The following FAM3C variants were observed in gnomAD, a reference collection of about 807,000 sequenced individuals.
FAM3C encodes the protein protein FAM3C.
FAM3C carries 15 observed loss-of-function variants against 32.5 expected under a neutral mutation model. That is an observed-to-expected ratio of 0.46 (90% CI 0.31 to 0.71). FAM3C has a LOEUF of 0.71. FAM3C is among the 30% of genes least tolerant of loss of function. The probability of loss-of-function intolerance (pLI) is 0.05; values close to 1 mark genes in which losing one functional copy is unlikely to be tolerated. For synonymous variants in FAM3C, 75 were observed against 86.1 expected (o/e 0.87, Z 0.72); for missense variants, 175 against 274.4 (o/e 0.64, Z 2.56).
intron 5 of FAM3C, among the ~76,000 whole-genome samples, chr7:121,368,972 G>GTTTTT (rs563834740): frequency 8.3e-5 from 8 of 96,152 alleles, no homozygotes; most frequent in Non-Finnish European, 1.6e-4. Flanking sequence ...TGTTGTTGTT[G>GTTTTT]TTTTTTTTTT....
At chr7:121,394,729 G>A (rs1794650196) in intron 1 of FAM3C, among the ~76,000 whole-genome samples, 1 of 152,172 alleles carries the variant, frequency 6.6e-6, no homozygotes, top group African/African-American at 2.4e-5. Context: ...TTGGTAAACA[G>A]CCAAGAAACA....
At chr7:121,371,184 A>G (rs1354637469) in intron 5 of FAM3C, 116 bp downstream of exon 5, 3 of 1,252,682 alleles carry the variant, frequency 2.4e-6, no homozygotes, top group Non-Finnish European at 3.3e-6. Flanking sequence ...AAAAATGGAA[A>G]TCACTTTCCA....
At chr7:121,380,385 T>C (rs1794325894) in intron 2 of FAM3C, 1 of 151,600 alleles carries the variant, frequency 6.6e-6, no homozygotes, top group Non-Finnish European at 1.5e-5. Flanking sequence ...TAAAAAAAGC[T>C]ATATACAGCA....
In FAM3C at chr7:121,378,985, C is replaced by G. The variant is rs773826328; in HGVS notation, c.43G>C (p.Val15Leu). ...ATAACATAAAATGTCAGTAAAAACA[C>G]TGCCACAGCTACCACCAACTTTGCA... ...GAAKLVVAVA[V>L]FLLTFYVISQ... Residue 15 changes from valine to leucine, a missense_variant, in exon 3 of 10, where the codon GTG (valine) becomes CTG (leucine). Physicochemically the swap from Val to Leu is conservative, Grantham distance 32. Transcript: ENST00000359943. 4.4e-6 allele frequency: 7 copies of G among 1,575,212 alleles called. No homozygotes were observed. The Admixed American group carries it at 9.4e-5, about 21-fold the overall frequency.
chr7:121,375,410 G>A (rs1794220320), intron 3 of FAM3C, among the ~76,000 whole-genome samples: 1 of 152,182 alleles, frequency 6.6e-6, no homozygotes, highest in Non-Finnish European at 1.5e-5. Context: ...AAGACCAGCT[G>A]AGAAAGGCAG....
At chr7:121,370,591 C>A (rs775040783) in intron 5 of FAM3C, among the ~76,000 whole-genome samples, 5 of 152,072 alleles carry the variant, frequency 3.3e-5, no homozygotes, top group Non-Finnish European at 7.4e-5. Context: ...CAGGAACTTG[C>A]GAGCAACAGT....
rs557863498 is a variant in FAM3C, at chr7:121,351,549, C to T, written c.468-280G>A. The T allele has an allele frequency of 1.4e-3, 429 of 312,466 alleles. 2 individuals are homozygous for T. The highest frequency in any genetic ancestry group is 2.1e-3 in the Non-Finnish European group (346 of 168,584). The allele number at this position is 312,466 out of a possible 1,614,324, so 19.4% of individuals were successfully genotyped here. ...CCTTCATTTAACTTTTTAAATTACA[C>T]TCATCAAATAAATAAGGGATACCAC... On this transcript the variant is annotated intron_variant, in intron 8 of 9. Transcript: ENST00000359943.
intron 1 of FAM3C, among the ~76,000 whole-genome samples, chr7:121,395,134 ATAT>A (rs1794658256): frequency 6.6e-6 from 1 of 152,112 alleles, no homozygotes; most frequent in Admixed American, 6.6e-5. Context: ...AAGCAATCTA[ATAT>A]TATTTATGTC....
chr7:121,376,358 T>A (rs939807123), intron 3 of FAM3C, among the ~76,000 whole-genome samples: 1 of 152,172 alleles, frequency 6.6e-6, no homozygotes, highest in Non-Finnish European at 1.5e-5. Context: ...CGACTACAAT[T>A]TAACTGAGGA....
intron 1 of FAM3C, among the ~76,000 whole-genome samples, chr7:121,387,148 C>T (rs181861676): frequency 1.8e-3 from 272 of 152,134 alleles, no homozygotes; most frequent in Non-Finnish European, 1.3e-3. Flanking sequence ...TCTTTATAGA[C>T]ACTGAAATTT....
chr7:121,379,112 C>T (rs1281357421), intron 2 of FAM3C, 98 bp from the exon 3 acceptor site: 2 of 674,028 alleles, frequency 3.0e-6, no homozygotes, highest in African/African-American at 1.9e-5. Flanking sequence ...AAGATCAATA[C>T]ATTTCTACTT....
chr7:121,359,086 C>T (rs1793872220), intron 8 of FAM3C, among the ~76,000 whole-genome samples: 2 of 151,466 alleles, frequency 1.3e-5, no homozygotes, highest in Non-Finnish European at 1.5e-5. Flanking sequence ...AAAAAATTAA[C>T]AATTGGTGCC....
chr7:121,374,969 A>C (rs945557713), intron 3 of FAM3C, among the ~76,000 whole-genome samples: 10 of 152,192 alleles, frequency 6.6e-5, no homozygotes, highest in African/African-American at 2.4e-4. Flanking sequence ...TCTGTTACCT[A>C]CATTTGTTTT....
intron 1 of FAM3C, among the ~76,000 whole-genome samples, chr7:121,386,220 A>G (rs902076951): frequency 1.3e-5 from 2 of 152,162 alleles, no homozygotes; most frequent in Non-Finnish European, 2.9e-5. Flanking sequence ...ACTTAATATT[A>G]ACAAACAGCA....
chr7:121,370,326 T>G (rs1794120580), intron 5 of FAM3C, among the ~76,000 whole-genome samples: 1 of 152,154 alleles, frequency 6.6e-6, no homozygotes, highest in Non-Finnish European at 1.5e-5. Flanking sequence ...CTCAATAAAC[T>G]TCTTACAGCT....
chr7:121,382,849 C>T, intron 2 of FAM3C, 108 bp downstream of exon 2: 1 of 801,294 alleles, frequency 1.2e-6, no homozygotes, highest in Non-Finnish European at 2.0e-6. Flanking sequence ...TAGTTTATTT[C>T]AGTTTAACCT....
At chr7:121,350,605 T>C in intron 9 of FAM3C, 55 bp from the exon 10 acceptor site, 1 of 1,563,898 alleles carries the variant, frequency 6.4e-7, no homozygotes, top group Non-Finnish European at 8.8e-7. Context: ...AACTGCTGAT[T>C]TGCCGTAACA....
intron 8 of FAM3C, among the ~76,000 whole-genome samples, chr7:121,356,512 G>A (rs1424412432): frequency 6.6e-6 from 1 of 152,128 alleles, no homozygotes; most frequent in East Asian, 1.9e-4. Context: ...GAATTTAGAG[G>A]GAGACCACTC....
rs756602148 is a variant in FAM3C, at chr7:121,360,092, G to T, written c.418C>A (p.Gln140Lys). 18 of 1,602,292 alleles carry T rather than the reference G, an allele frequency of 1.1e-5. No individual in the cohort carries two copies. The East Asian group carries it at 3.8e-4, about 34-fold the overall frequency. The change falls in exon 8 of 10, where the codon CAA becomes AAA. Residue 140 changes from glutamine (Q) to lysine (K), a missense_variant. By Grantham distance (53) the Gln-to-Lys change is moderately conservative (BLOSUM62 1). Coordinates refer to ENST00000359943, the MANE Select transcript of FAM3C (RefSeq NM_014888.3). ...CCCATTAAAACTATTGTTCCATCTT[G>T]TATGGCCTTCAGAAACTCAATAAAT... ...APFIEFLKAIQDGTIVLMGTY... is the reference protein window; with the variant it reads ...APFIEFLKAIKDGTIVLMGTY...
Sources: allele counts gnomAD v4.1 joint callset (sites outside exome capture counted in the v4.1 genomes callset), GRCh38; gene constraint gnomAD v4.1.1; transcripts MANE v1.5; gene names NCBI Gene and HGNC (gene_info 2026-07-23, HGNC 2026-07-21).